SGCG: variants seen among roughly 807,000 people sequenced by gnomAD.
The protein encoded by SGCG is sarcoglycan gamma.
A neutral mutation model predicts 29.3 loss-of-function variants in SGCG; 26 were observed. That is an observed-to-expected ratio of 0.89 (90% CI 0.65 to 1.23). The LOEUF (loss-of-function observed/expected upper bound fraction) is 1.23. Ranked by LOEUF, SGCG falls within the 50% of genes most tolerant of loss-of-function variation. The probability of loss-of-function intolerance (pLI) is 0.00; values close to 1 mark genes in which losing one functional copy is unlikely to be tolerated. For synonymous variants in SGCG, 145 were observed against 129.7 expected (o/e 1.12, Z -0.80); for missense variants, 353 against 356.0 (o/e 0.99, Z 0.07).
At chr13:23,199,143 C>T (rs528280666) in intron 1 of SGCG, among the ~76,000 whole-genome samples, 3 of 151,702 alleles carry the variant, frequency 2.0e-5, no homozygotes, top group Non-Finnish European at 4.4e-5. Flanking sequence ...CACCAACATA[C>T]TTTGAAGGAT....
chr13:23,280,653 C>T (rs1881272781), intron 5 of SGCG, among the ~76,000 whole-genome samples: 1 of 152,202 alleles, frequency 6.6e-6, no homozygotes. Context: ...GATTCCATTC[C>T]TACCTCTGCA....
chr13:23,203,343 G>A (rs1186892539), intron 1 of SGCG, among the ~76,000 whole-genome samples: 1 of 151,292 alleles, frequency 6.6e-6, no homozygotes, highest in Non-Finnish European at 1.5e-5. Context: ...GATTATTTTA[G>A]GTTAATGTTT....
At chr13:23,241,377 G>A (rs142043010) in intron 3 of SGCG, among the ~76,000 whole-genome samples, 33 of 152,188 alleles carry the variant, frequency 2.2e-4, no homozygotes, top group Non-Finnish European at 4.0e-4. Context: ...AGGGAAAATG[G>A]ATAAATATTT....
Position 23,308,591 on chromosome 13 carries a change from G to A in SGCG, c.579-12046G>A, listed in dbSNP as rs541051512. 4.6e-5 allele frequency among the ~76,000 whole-genome samples: 7 copies of A among 151,758 alleles called. No individual in the cohort carries two copies. In the East Asian group the frequency reaches 7.8e-4, roughly 17 times the overall value. On this transcript the variant is annotated intron_variant, in intron 6 of 7. Coordinates refer to ENST00000218867, the MANE Select transcript of SGCG (RefSeq NM_000231.3). The stretch of plus-strand genomic sequence containing the variant: ...ATGTAATTTTTTTTTTTGAGACAGA[G>A]TCTCACTCTGTCATCCAGGCTGGAG...
chr13:23,177,345 C>G (rs1003387537), upstream of SGCG, among the ~76,000 whole-genome samples: 1 of 152,036 alleles, frequency 6.6e-6, no homozygotes, highest in Non-Finnish European at 1.5e-5. Flanking sequence ...CTCAAAATAA[C>G]TAGAAGAGGG....
chr13:23,276,426 G>GTTTTTTTTTTTTTTTTTT (rs757414154), intron 4 of SGCG, among the ~76,000 whole-genome samples: 1 of 65,818 alleles, frequency 1.5e-5, no homozygotes, highest in Admixed American at 1.6e-4. Context: ...TTCTTTTTTA[G>GTTTTTTTTTTTTTTTTTT]TTTTCTTTTT....
intron 4 of SGCG, among the ~76,000 whole-genome samples, chr13:23,256,658 T>C (rs949736449): frequency 6.6e-5 from 10 of 152,196 alleles, no homozygotes; most frequent in Non-Finnish European, 1.2e-4. Flanking sequence ...AATAGTTTGC[T>C]CAGAATGATG....
chr13:23,261,247 AT>A (rs148325128), intron 4 of SGCG, among the ~76,000 whole-genome samples: 10,428 of 150,812 alleles, frequency 0.069, 480 homozygotes, highest in East Asian at 0.12. Context: ...ATTCTGAAAA[AT>A]TTTTTTTTTA....
intron 4 of SGCG, among the ~76,000 whole-genome samples, chr13:23,266,062 G>A (rs149687927): frequency 2.0e-5 from 3 of 152,184 alleles, no homozygotes; most frequent in African/African-American, 7.2e-5. Flanking sequence ...ATATACCTGA[G>A]GTCAGGAGTT....
chr13:23,183,429 C>T (rs1876827811), intron 1 of SGCG, among the ~76,000 whole-genome samples: 1 of 152,038 alleles, frequency 6.6e-6, no homozygotes, highest in South Asian at 2.1e-4. Flanking sequence ...CAGGCTGAGG[C>T]TATTTCTGCT....
chr13:23,242,409 C>T (rs1232395281), intron 3 of SGCG, among the ~76,000 whole-genome samples: 3 of 152,038 alleles, frequency 2.0e-5, no homozygotes, highest in Non-Finnish European at 4.4e-5. Context: ...TACCAATTAC[C>T]CCTTACATTA....
At chr13:23,169,043 A>T in the SGCG span, among the ~76,000 whole-genome samples, 10 of 151,366 alleles carry the variant, frequency 6.6e-5, no homozygotes, top group African/African-American at 1.7e-4. Context: ...TTAGTAATTT[A>T]TATATATATA....
intron 5 of SGCG, among the ~76,000 whole-genome samples, chr13:23,287,572 A>T (rs1881539936): frequency 6.6e-6 from 1 of 152,226 alleles, no homozygotes; most frequent in African/African-American, 2.4e-5. Context: ...ACACATGAGG[A>T]TCGTTTTAAG....
intron 1 of SGCG, among the ~76,000 whole-genome samples, chr13:23,197,351 G>C (rs1027273118): frequency 6.6e-6 from 1 of 152,200 alleles, no homozygotes; most frequent in Admixed American, 6.5e-5. Context: ...TTGTTACCTA[G>C]TAAGAAATTA....
chr13:23,168,164 CT>C, the SGCG span, among the ~76,000 whole-genome samples: 1 of 152,110 alleles, frequency 6.6e-6, no homozygotes, highest in African/African-American at 2.4e-5. Context: ...CATTCCGTGA[CT>C]GGTTTTTTCA....
At chr13:23,317,316 A>G (rs1348770153) in intron 6 of SGCG, among the ~76,000 whole-genome samples, 1 of 152,204 alleles carries the variant, frequency 6.6e-6, no homozygotes. Flanking sequence ...GGTCAATGGG[A>G]AACTACAACA....
intron 5 of SGCG, among the ~76,000 whole-genome samples, chr13:23,288,047 C>A (rs1285071347): frequency 2.6e-5 from 4 of 152,188 alleles, no homozygotes; most frequent in African/African-American, 7.2e-5. Context: ...GCCACTGCGC[C>A]CAGCCAATAA....
At chr13:23,269,874 G>GTTTTTTTTTTT (rs796558128) in intron 4 of SGCG, among the ~76,000 whole-genome samples, 4 of 97,506 alleles carry the variant, frequency 4.1e-5, no homozygotes, top group Non-Finnish European at 7.2e-5. Context: ...TGTTTTTTTT[G>GTTTTTTTTTTT]TTTTTTTTGT....
At chr13:23,249,303 G>A (rs1482555038) in intron 3 of SGCG, among the ~76,000 whole-genome samples, 2 of 152,128 alleles carry the variant, frequency 1.3e-5, no homozygotes, top group African/African-American at 2.4e-5. Flanking sequence ...ATATTAGTCT[G>A]GAGTCACAGA....
Sources: gnomAD v4.1 joint callset for allele counts (sites outside exome capture counted in the v4.1 genomes callset) on GRCh38, gnomAD v4.1.1 for gene constraint, MANE v1.5 for transcripts, NCBI Gene and HGNC (gene_info 2026-07-23, HGNC 2026-07-21) for gene names.